The following THAP4 variants were observed in gnomAD, a reference collection of about 807,000 sequenced individuals.
THAP4 encodes THAP domain containing 4.
A neutral mutation model predicts 48.1 loss-of-function variants in THAP4; 18 were observed. The ratio of observed to expected loss-of-function variants is 0.37; its 90% CI spans 0.26 to 0.56. The LOEUF is 0.56. Ranked by LOEUF, THAP4 falls within the 20% of genes least tolerant of loss-of-function variation. THAP4 has a pLI of 0.78. For synonymous variants in THAP4, 345 were observed against 324.9 expected (o/e 1.06, Z -0.66); for missense variants, 656 against 774.9 (o/e 0.85, Z 1.82).
At chr2:241,613,903 T>G (rs1009916174) in intron 2 of THAP4, among the ~76,000 whole-genome samples, 2 of 151,256 alleles carry the variant, frequency 1.3e-5, no homozygotes, top group Non-Finnish European at 3.0e-5. Flanking sequence ...TATAATCCCA[T>G]AACTTTGAGA....
In THAP4 at chr2:241,617,782, C is replaced by T. The variant is rs560486987; in HGVS notation, c.1241-11309G>A. On this transcript the variant is annotated intron_variant, in intron 2 of 5. Coordinates refer to ENST00000407315, the MANE Select transcript of THAP4 (RefSeq NM_015963.6). ...CACAGAGACAGGCACATCCTAAATG[C>T]TTTCTCTCTCCAGAGCAGTCCCTCT... is the stretch of plus-strand genomic sequence containing the variant. Among the ~76,000 whole-genome samples, 270 of 152,296 alleles carry T rather than the reference C, an allele frequency of 1.8e-3. 1 individual carries two copies. Among genetic ancestry groups the T allele is most frequent in the African/African-American group, 6.2e-3 (256 of 41,582 alleles).
chr2:241,624,280 G>A (rs1369902809), intron 2 of THAP4, among the ~76,000 whole-genome samples: 1 of 152,220 alleles, frequency 6.6e-6, no homozygotes, highest in Non-Finnish European at 1.5e-5. Flanking sequence ...GAGGTCAGGA[G>A]ATCGAGACCA....
chr2:241,600,571 C>CA lies in THAP4; in HGVS notation c.1614+1324dup, dbSNP rs541240210. ...CGAAACCCCGTCTCTACTAAAAACA[C>CA]AAAAAAATGATCTGGGTGTGGTGGC... On this transcript the variant is annotated intron_variant, in intron 5 of 5. Coordinates refer to ENST00000407315, the MANE Select transcript of THAP4 (RefSeq NM_015963.6). 2.3e-3 allele frequency among the ~76,000 whole-genome samples: 351 copies of CA among 151,340 alleles called. 5 individuals are homozygous for CA. The highest frequency in any genetic ancestry group is 0.021 in the Admixed American group (320 of 15,200).
intron 2 of THAP4, among the ~76,000 whole-genome samples, chr2:241,614,435 G>A (rs1489213582): frequency 6.6e-6 from 1 of 152,180 alleles, no homozygotes; most frequent in Non-Finnish European, 1.5e-5. Flanking sequence ...CTATAAAGCA[G>A]AAATTACTGA....
intron 2 of THAP4, among the ~76,000 whole-genome samples, chr2:241,608,402 T>C (rs1047794561): frequency 7.9e-5 from 12 of 152,246 alleles, no homozygotes; most frequent in Non-Finnish European, 2.9e-5. Flanking sequence ...TAAATGATGA[T>C]TTAAAAATTT....
intron 2 of THAP4, among the ~76,000 whole-genome samples, chr2:241,623,470 CT>C (rs1280162462): frequency 1.1e-4 from 16 of 151,866 alleles, no homozygotes; most frequent in Non-Finnish European, 1.8e-4. Context: ...GTCCCACCTA[CT>C]TAGGAGGCTA....
intron 2 of THAP4, among the ~76,000 whole-genome samples, chr2:241,613,923 G>A (rs2067308150): frequency 6.6e-6 from 1 of 152,122 alleles, no homozygotes; most frequent in African/African-American, 2.4e-5. Flanking sequence ...AGACCGAGGT[G>A]GGTGGATTGC....
rs1010256097 is a variant in THAP4, at chr2:241,610,044, C to T, written c.1241-3571G>A. 6.6e-6 allele frequency among the ~76,000 whole-genome samples: 1 copy of T among 152,142 alleles called. No homozygotes were observed. Among genetic ancestry groups the T allele is most frequent in the Non-Finnish European group, 1.5e-5 (1 of 68,010 alleles). Reference sequence around the variant, plus strand: ...GGCCGCGATCTCCACCCCTCACGCCCGAGTCCCCGGCACGGCCACCACCGG... The same window carrying T: ...GGCCGCGATCTCCACCCCTCACGCCTGAGTCCCCGGCACGGCCACCACCGG... On this transcript the variant is annotated intron_variant, in intron 2 of 5. Coordinates refer to ENST00000407315, the MANE Select transcript of THAP4 (RefSeq NM_015963.6). This position sits in a 1 kb window ranked among gnomAD's most constrained non-coding sequence, Gnocchi z 4.2.
intron 2 of THAP4, among the ~76,000 whole-genome samples, chr2:241,608,815 C>T (rs1210333809): frequency 2.0e-5 from 3 of 152,194 alleles, no homozygotes; most frequent in African/African-American, 7.2e-5. Context: ...ACTGTGAAAA[C>T]CTACCCAAAA....
At chr2:241,595,958 G>C (rs1380857062) in intron 5 of THAP4, among the ~76,000 whole-genome samples, 2 of 152,218 alleles carry the variant, frequency 1.3e-5, no homozygotes, top group African/African-American at 4.8e-5. Context: ...GCTGGGCAAT[G>C]GAGCGCGTCC....
At chr2:241,637,406 C>A, upstream of THAP4, 4 of 1,445,064 alleles carry the variant, frequency 2.8e-6, no homozygotes, top group Non-Finnish European at 3.7e-6. Context: ...CCTCTGCCGC[C>A]TCGACAACTG....
intron 1 of THAP4, among the ~76,000 whole-genome samples, chr2:241,636,720 G>T (rs2067666726): frequency 6.6e-6 from 1 of 151,692 alleles, no homozygotes; most frequent in African/African-American, 2.4e-5. Context: ...CGCGCGCAGG[G>T]CGGACCCAGG....
intron 1 of THAP4, among the ~76,000 whole-genome samples, chr2:241,635,920 A>C (rs533752938): frequency 6.6e-6 from 1 of 152,140 alleles, no homozygotes; most frequent in Non-Finnish European, 1.5e-5. Context: ...AAGCAACAGG[A>C]CCTTCTAACC....
chr2:241,586,395 G>A (rs779765499), intron 5 of THAP4, among the ~76,000 whole-genome samples: 23 of 151,578 alleles, frequency 1.5e-4, no homozygotes, highest in African/African-American at 4.6e-4. Context: ...TACTGAACAC[G>A]AGCTGTCCAT....
chr2:241,603,316 C>T, intron 3 of THAP4, among the ~76,000 whole-genome samples: 1 of 149,724 alleles, frequency 6.7e-6, no homozygotes, highest in Non-Finnish European at 1.5e-5. Flanking sequence ...GCCCCCTCCA[C>T]CACCTTGCTC....
chr2:241,600,089 G>A (rs542889277), intron 5 of THAP4, among the ~76,000 whole-genome samples: 16 of 152,290 alleles, frequency 1.1e-4, no homozygotes, highest in East Asian at 7.7e-4. Flanking sequence ...CCAGCTACTC[G>A]GGAGGCTGAG....
chr2:241,620,461 T>A (rs1223115485), intron 2 of THAP4, among the ~76,000 whole-genome samples: 1 of 81,804 alleles, frequency 1.2e-5, no homozygotes, highest in Non-Finnish European at 2.3e-5. Flanking sequence ...GAGGGATGAG[T>A]GAGGGGTGAG....
At chr2:241,590,108 CGAT>C (rs1559216144) in intron 5 of THAP4, among the ~76,000 whole-genome samples, 4 of 55,048 alleles carry the variant, frequency 7.3e-5, no homozygotes, top group East Asian at 5.6e-4. Context: ...GCTCGGCTGA[CGAT>C]GATGGGCACT....
chr2:241,631,275 A>G (rs983105384), intron 2 of THAP4, among the ~76,000 whole-genome samples: 1 of 152,170 alleles, frequency 6.6e-6, no homozygotes, highest in African/African-American at 2.4e-5. Flanking sequence ...TTGTCCCACT[A>G]TCATATACTT....
Sources: gnomAD v4.1 joint callset for allele counts (sites outside exome capture counted in the v4.1 genomes callset) on GRCh38, gnomAD v4.1.1 for gene constraint, Gnocchi (gnomAD v3.1) non-coding constraint, MANE v1.5 for transcripts, NCBI Gene and HGNC (gene_info 2026-07-23, HGNC 2026-07-21) for gene names.